Variants in RIMS1 observed in about 807,000 individuals in gnomAD.
RIMS1 encodes regulating synaptic membrane exocytosis protein 1.
In RIMS1, 83 loss-of-function variants were observed where a neutral mutation model predicts 214.1. That is an observed-to-expected ratio of 0.39 (90% CI 0.32 to 0.47). The LOEUF (loss-of-function observed/expected upper bound fraction) is 0.47, where lower values mean the gene tolerates loss of function less well. Ranked by LOEUF, RIMS1 falls within the 20% of genes least tolerant of loss-of-function variation. The probability of loss-of-function intolerance (pLI) is 0.99; values close to 1 mark genes in which losing one functional copy is unlikely to be tolerated. For missense variants in RIMS1, 2,050 were observed against 2,161.8 expected (o/e 0.95, Z 1.03); for synonymous variants, 793 against 786.8 (o/e 1.01, Z -0.13).
At chr6:71,985,257 G>T (rs1799598228) in intron 2 of RIMS1, among the ~76,000 whole-genome samples, 1 of 152,074 alleles carries the variant, frequency 6.6e-6, no homozygotes, top group Admixed American at 6.6e-5. Context: ...CAGGCATGGT[G>T]GCGTGTGCCT....
At chr6:72,150,746 C>T (rs2043436583) in intron 4 of RIMS1, among the ~76,000 whole-genome samples, 1 of 152,154 alleles carries the variant, frequency 6.6e-6, no homozygotes, top group African/African-American at 2.4e-5. Context: ...GTCTCATTCC[C>T]CTAAGTCTGA....
rs2096744876 is a variant in RIMS1 at position 72,333,635 on chromosome 6, G to A, written c.4166G>A (p.Gly1389Glu). ...FTPKMQGRRMGTSGRSIMKST... is the reference protein window; with the variant it reads ...FTPKMQGRRMETSGRSIMKST... Reference sequence around the variant, plus strand: ...CCCAAAATGCAAGGCAGACGGATGGGGACTTCAGGAAGATCCATCATGAAG... The same window carrying A: ...CCCAAAATGCAAGGCAGACGGATGGAGACTTCAGGAAGATCCATCATGAAG... The change falls in exon 29 of 34, where the codon GGG becomes GAG. Residue 1389 changes from glycine to glutamate, a missense_variant. By Grantham distance (98) the Gly-to-Glu change is moderately conservative (BLOSUM62 -2). Transcript: ENST00000521978. The A allele has an allele frequency of 1.3e-6, 2 of 1,596,058 alleles. No homozygotes were observed. Among genetic ancestry groups the A allele is most frequent in the Middle Eastern group, 1.7e-4 (1 of 6,036 alleles).
chr6:72,399,891 G>T (rs1443462178), intron 33 of RIMS1, among the ~76,000 whole-genome samples: 2 of 152,118 alleles, frequency 1.3e-5, no homozygotes, highest in South Asian at 2.1e-4. Context: ...GACCTAGATT[G>T]TGGTAATTTT....
At chr6:72,216,131 A>G (rs921697387) in intron 6 of RIMS1, among the ~76,000 whole-genome samples, 4 of 152,166 alleles carry the variant, frequency 2.6e-5, no homozygotes, top group East Asian at 1.9e-4. Flanking sequence ...AATGTAATTG[A>G]GATAGTAACA....
intron 2 of RIMS1, among the ~76,000 whole-genome samples, chr6:72,084,090 A>G (rs1285307347): frequency 6.6e-6 from 1 of 152,164 alleles, no homozygotes; most frequent in Non-Finnish European, 1.5e-5. Flanking sequence ...GTTACTTAAC[A>G]CTTTGGCTTG....
intron 29 of RIMS1, among the ~76,000 whole-genome samples, chr6:72,365,538 C>G (rs1000467587): frequency 1.3e-5 from 2 of 152,190 alleles, no homozygotes; most frequent in African/African-American, 4.8e-5. Flanking sequence ...TGCTCTACCA[C>G]TTATATGTCT....
intron 8 of RIMS1, 137 bp from the exon 9 acceptor site, chr6:72,237,686 A>G: frequency 1.5e-6 from 1 of 669,922 alleles, no homozygotes; most frequent in Non-Finnish European, 2.5e-6. Context: ...AAAAAAAAAA[A>G]AAAAGTGCTT....
At chr6:72,374,327 T>C (rs1334132925) in intron 29 of RIMS1, among the ~76,000 whole-genome samples, 2 of 152,218 alleles carry the variant, frequency 1.3e-5, no homozygotes, top group Admixed American at 1.3e-4. Context: ...TGTTTTGTTA[T>C]TTAGTACCTA....
intron 8 of RIMS1, among the ~76,000 whole-genome samples, chr6:72,237,530 G>C (rs926816026): frequency 6.6e-5 from 10 of 151,896 alleles, no homozygotes; most frequent in Non-Finnish European, 1.2e-4. Context: ...TTAAAAATTA[G>C]CTGGGCGTGG....
At chr6:72,226,123 G>C (rs556443070) in intron 6 of RIMS1, among the ~76,000 whole-genome samples, 3 of 152,136 alleles carry the variant, frequency 2.0e-5, no homozygotes, top group Admixed American at 6.6e-5. Context: ...GCACTAAGTT[G>C]TGTGCGCATG....
intron 29 of RIMS1, among the ~76,000 whole-genome samples, chr6:72,334,211 A>C (rs1188857775): frequency 6.6e-6 from 1 of 151,882 alleles, no homozygotes; most frequent in Non-Finnish European, 1.5e-5. Flanking sequence ...CTATATCTAT[A>C]CTTTTTATAG....
At chr6:72,205,295 A>G (rs766514378) in intron 6 of RIMS1, among the ~76,000 whole-genome samples, 1 of 152,206 alleles carries the variant, frequency 6.6e-6, no homozygotes, top group Non-Finnish European at 1.5e-5. Context: ...CATCAATAAC[A>G]TCAATAATAA....
chr6:72,067,380 T>A (rs1829579155), intron 2 of RIMS1, among the ~76,000 whole-genome samples: 1 of 152,208 alleles, frequency 6.6e-6, no homozygotes, highest in Non-Finnish European at 1.5e-5. Flanking sequence ...TCAGTGCCTT[T>A]GTACTTGCTA....
intron 3 of RIMS1, among the ~76,000 whole-genome samples, chr6:72,099,234 T>C (rs2032889634): frequency 6.6e-6 from 1 of 152,148 alleles, no homozygotes; most frequent in Non-Finnish European, 1.5e-5. Context: ...AGAGGGTGTT[T>C]AAAGAAAATT....
At chr6:72,201,974 C>T (rs1473418287) in intron 6 of RIMS1, among the ~76,000 whole-genome samples, 1 of 152,162 alleles carries the variant, frequency 6.6e-6, no homozygotes, top group Non-Finnish European at 1.5e-5. Flanking sequence ...TACTACCTTC[C>T]GTATCATACT....
intron 28 of RIMS1, among the ~76,000 whole-genome samples, chr6:72,324,823 G>T (rs545656440): frequency 2.0e-5 from 3 of 151,620 alleles, no homozygotes; most frequent in Non-Finnish European, 4.4e-5. Flanking sequence ...CTGTTTTCCC[G>T]CCACAACAAT....
intron 2 of RIMS1, among the ~76,000 whole-genome samples, chr6:71,986,135 C>T (rs908447818): frequency 1.3e-5 from 2 of 149,244 alleles, no homozygotes; most frequent in Non-Finnish European, 3.0e-5. Flanking sequence ...ATTTGTTGTA[C>T]GTCAGAAATT....
intron 1 of RIMS1, among the ~76,000 whole-genome samples, chr6:71,954,695 C>CTT (rs58525569): frequency 9.0e-5 from 13 of 144,654 alleles, no homozygotes; most frequent in South Asian, 4.4e-4. Context: ...AGTAATTTTT[C>CTT]TTTTTTTTTT....
chr6:72,047,065 C>T (rs547924401), intron 2 of RIMS1, among the ~76,000 whole-genome samples: 157 of 152,150 alleles, frequency 1.0e-3, no homozygotes, highest in Middle Eastern at 6.8e-3. Context: ...GTTATATAGC[C>T]TAAAATGAAA....
Sources: gnomAD v4.1 joint callset for allele counts (sites outside exome capture counted in the v4.1 genomes callset) on GRCh38, gnomAD v4.1.1 for gene constraint, MANE v1.5 for transcripts, NCBI Gene and HGNC (gene_info 2026-07-23, HGNC 2026-07-21) for gene names.